Variants in PTPRD observed in about 807,000 individuals in gnomAD.
PTPRD encodes protein tyrosine phosphatase receptor type D, also known as receptor-type tyrosine-protein phosphatase delta.
Under a neutral mutation model 214.5 loss-of-function variants are expected in PTPRD, and 34 were observed. The ratio of observed to expected loss-of-function variants is 0.16; its 90% CI spans 0.12 to 0.21. The LOEUF (loss-of-function observed/expected upper bound fraction) is 0.21. Ranked by LOEUF, PTPRD falls within the 10% of genes least tolerant of loss-of-function variation. The pLI is 1.00. For synonymous variants in PTPRD, 1,128 were observed against 845.7 expected, an observed-to-expected ratio of 1.33 and a Z score of -5.79; for missense variants, 2,545 against 2,398.7, an observed-to-expected ratio of 1.06 and a Z score of -1.27.
intron 11 of PTPRD, among the ~76,000 whole-genome samples, chr9:8,977,420 C>T (rs112114678): frequency 0.016 from 2,363 of 152,156 alleles, 27 homozygotes; most frequent in Middle Eastern, 0.051. Context: ...CTTGTTCTAG[C>T]TCTCTTCATA....
intron 3 of PTPRD, among the ~76,000 whole-genome samples, chr9:10,339,828 C>T (rs2096907134): frequency 6.6e-6 from 1 of 151,656 alleles, no homozygotes; most frequent in Admixed American, 6.6e-5. Context: ...AATAACAAAA[C>T]AACACCTTCA....
chr9:8,790,469 G>C (rs1599861964), intron 11 of PTPRD, among the ~76,000 whole-genome samples: 1 of 152,084 alleles, frequency 6.6e-6, no homozygotes, highest in East Asian at 1.9e-4. Context: ...CCAGGCTGTA[G>C]TGCAGTGGTG....
intron 9 of PTPRD, among the ~76,000 whole-genome samples, chr9:9,237,599 G>C (rs1163640372): frequency 6.6e-6 from 1 of 152,092 alleles, no homozygotes; most frequent in African/African-American, 2.4e-5. Flanking sequence ...AATATTTGCT[G>C]TTTTGTTGGT....
chr9:10,336,536 A>G (rs1597401311), intron 3 of PTPRD, among the ~76,000 whole-genome samples: 1 of 151,736 alleles, frequency 6.6e-6, no homozygotes, highest in Non-Finnish European at 1.5e-5. Flanking sequence ...TCAGAAAATA[A>G]CATAATAATA....
chr9:9,919,318 T>C (rs529276545), intron 5 of PTPRD, among the ~76,000 whole-genome samples: 17 of 152,242 alleles, frequency 1.1e-4, no homozygotes, highest in African/African-American at 4.1e-4. Flanking sequence ...GGTGAATTGG[T>C]GGCTTGGCCC....
intron 5 of PTPRD, among the ~76,000 whole-genome samples, chr9:9,932,265 G>T (rs1167681648): frequency 2.0e-5 from 3 of 149,578 alleles, no homozygotes; most frequent in Non-Finnish European, 2.9e-5. Flanking sequence ...GGCTTCAGAC[G>T]ATCAAATTAC....
intron 5 of PTPRD, among the ~76,000 whole-genome samples, chr9:9,917,651 T>C (rs1323829690): frequency 6.6e-6 from 1 of 151,852 alleles, no homozygotes; most frequent in African/African-American, 2.4e-5. Context: ...AACAGAAAAC[T>C]GCAAGCCAAT....
intron 11 of PTPRD, among the ~76,000 whole-genome samples, chr9:8,734,192 T>G (rs1305043435): frequency 2.6e-5 from 4 of 152,164 alleles, no homozygotes; most frequent in Non-Finnish European, 5.9e-5. Context: ...AATTTTAGGC[T>G]CTCCTAAAGC....
At chr9:9,630,593 T>G (rs1291434392) in intron 7 of PTPRD, among the ~76,000 whole-genome samples, 5 of 152,226 alleles carry the variant, frequency 3.3e-5, no homozygotes, top group African/African-American at 1.2e-4. Context: ...TTATGAAATT[T>G]GAGTAAAATG....
At chr9:9,771,453 T>G (rs951485617) in intron 5 of PTPRD, among the ~76,000 whole-genome samples, 4 of 152,220 alleles carry the variant, frequency 2.6e-5, no homozygotes, top group African/African-American at 9.6e-5. Flanking sequence ...ATGTCACACA[T>G]GACAAGTTTA....
intron 10 of PTPRD, among the ~76,000 whole-genome samples, chr9:9,065,558 G>C (rs2099727237): frequency 6.6e-6 from 1 of 152,070 alleles, no homozygotes; most frequent in African/African-American, 2.4e-5. Flanking sequence ...AGCTGACAGG[G>C]GTTTTCAGCA....
At chr9:8,946,346 C>G (rs10759024) in intron 11 of PTPRD, among the ~76,000 whole-genome samples, 45,365 of 151,960 alleles carry the variant, frequency 0.3, 7,780 homozygotes, top group East Asian at 0.74. Flanking sequence ...CCCAAGGAGG[C>G]AGCAGTATAT....
chr9:9,535,854 G>C (rs2076412157), intron 8 of PTPRD, among the ~76,000 whole-genome samples: 4 of 152,042 alleles, frequency 2.6e-5, no homozygotes, highest in African/African-American at 7.2e-5. Flanking sequence ...GTACACACAG[G>C]AGAAGGAGGT....
chr9:8,850,790 T>C (rs1481702549), intron 11 of PTPRD, among the ~76,000 whole-genome samples: 1 of 152,212 alleles, frequency 6.6e-6, no homozygotes, highest in African/African-American at 2.4e-5. Context: ...CTACTACAAG[T>C]AGTTGGAATG....
intron 8 of PTPRD, among the ~76,000 whole-genome samples, chr9:9,488,922 C>A (rs561423380): frequency 6.6e-6 from 1 of 152,060 alleles, no homozygotes; most frequent in Non-Finnish European, 1.5e-5. Context: ...TATATGGGAT[C>A]TTTGCTTGGA....
chr9:9,385,626 A>G (rs561027318), intron 9 of PTPRD, among the ~76,000 whole-genome samples: 141 of 152,300 alleles, frequency 9.3e-4, no homozygotes, highest in African/African-American at 3.2e-3. Flanking sequence ...GTGGATGCCC[A>G]GACTGGACAA....
rs1318804406 is a variant in PTPRD at position 8,636,759 on chromosome 9, G to T, written c.150C>A (p.Asp50Glu). The change falls in exon 13 of 46, where the codon GAC becomes GAA. Residue 50 changes from aspartate (D) to glutamate (E), a missense_variant. Physicochemically the swap from Asp to Glu is conservative, Grantham distance 45. Coordinates refer to ENST00000381196, the MANE Select transcript of PTPRD (RefSeq NM_002839.4). The stretch of plus-strand genomic sequence containing the variant: ...TGTTCCAGACAATTTTAGGTCTTGG[G>T]TCTCCCGTAGCTTGGCAGATGAAAG... ...VASFICQATG[D>E]PRPKIVWNKK... is the part of the protein sequence containing the mutation. 2 of 1,613,996 alleles carry T rather than the reference G, an allele frequency of 1.2e-6. No individual in the cohort carries two copies. Among genetic ancestry groups the T allele is most frequent in the Non-Finnish European group, 8.5e-7 (1 of 1,179,952 alleles).
intron 3 of PTPRD, among the ~76,000 whole-genome samples, chr9:10,286,366 C>A (rs1181721641): frequency 6.6e-6 from 1 of 152,142 alleles, no homozygotes; most frequent in East Asian, 1.9e-4. Context: ...TGCTTGAGCC[C>A]AGAAGGCAGA....
intron 8 of PTPRD, among the ~76,000 whole-genome samples, chr9:9,468,755 G>T (rs538343390): frequency 6.6e-6 from 1 of 152,066 alleles, no homozygotes; most frequent in East Asian, 1.9e-4. Flanking sequence ...TTGAAAAATG[G>T]TTTGGTTATA....
Sources: allele counts gnomAD v4.1 joint callset (sites outside exome capture counted in the v4.1 genomes callset), GRCh38; gene constraint gnomAD v4.1.1; transcripts MANE v1.5; gene names NCBI Gene and HGNC (gene_info 2026-07-23, HGNC 2026-07-21).